GTF2I: variants seen among roughly 807,000 people sequenced by gnomAD.
The protein encoded by GTF2I is general transcription factor II-I.
Under a neutral mutation model 67.6 loss-of-function variants are expected in GTF2I, and 12 were observed. The observed-to-expected ratio is 0.18, with a 90% CI of 0.11 to 0.29. The LOEUF (loss-of-function observed/expected upper bound fraction) is 0.29, where lower values mean the gene tolerates loss of function less well. GTF2I is among the 10% of genes least tolerant of loss of function. The pLI is 1.00. For missense variants in GTF2I, 271 were observed against 580.1 expected (o/e 0.47, Z 5.47); for synonymous variants, 149 against 197.0 (o/e 0.76, Z 2.04).
At chr7:74,676,397 C>T (rs1554392401) in intron 1 of GTF2I, among the ~76,000 whole-genome samples, 1 of 152,042 alleles carries the variant, frequency 6.6e-6, no homozygotes, top group East Asian at 1.9e-4. Context: ...GTAGGAGGAT[C>T]CTTTGAGCCC....
rs587744252 is a variant in GTF2I at position 74,733,723 on chromosome 7, G to A, written c.1305-200G>A. 32 of 226,452 alleles carry A rather than the reference G, an allele frequency of 1.4e-4. No homozygotes were observed. In the South Asian group the frequency reaches 1.9e-3, roughly 13 times the overall value. The allele number at this position is 226,452 out of a possible 1,614,324, so 14.0% of individuals were successfully genotyped here. ...GGAGGTTGCAGTGAGTCGAGACTGC[G>A]CCATTGCACTCCAGCCTGGGAACAA... On this transcript the variant is annotated intron_variant, in intron 15 of 34. Transcript: ENST00000573035.
chr7:74,693,435 C>T (rs1408086725), intron 3 of GTF2I, among the ~76,000 whole-genome samples: 5 of 151,794 alleles, frequency 3.3e-5, no homozygotes, highest in Non-Finnish European at 7.4e-5. Context: ...AGTCCTCGAA[C>T]GCACACATAT....
chr7:74,669,798 G>A (rs1275257746), intron 1 of GTF2I, among the ~76,000 whole-genome samples: 2 of 152,050 alleles, frequency 1.3e-5, no homozygotes, highest in East Asian at 1.9e-4. Flanking sequence ...CCCAAAGTGC[G>A]GGGATTACAG....
At chr7:74,723,732 C>T (rs1299671734) in intron 12 of GTF2I, among the ~76,000 whole-genome samples, 1 of 151,644 alleles carries the variant, frequency 6.6e-6, no homozygotes, top group Admixed American at 6.6e-5. Context: ...CGCCTGGCCA[C>T]GGTGCTAAGA....
intron 12 of GTF2I, among the ~76,000 whole-genome samples, chr7:74,722,178 G>A (rs1255445267): frequency 1.3e-5 from 2 of 152,182 alleles, no homozygotes; most frequent in African/African-American, 2.4e-5. Context: ...CGACGCGGAC[G>A]TGTTTGTGGA....
At chr7:74,711,147 A>T (rs1047027859) in intron 9 of GTF2I, 38 bp downstream of exon 9, 1 of 899,798 alleles carries the variant, frequency 1.1e-6, no homozygotes, top group African/African-American at 1.7e-5. Context: ...TCTAAAAATT[A>T]TTCGTGGTTA....
intron 7 of GTF2I, 41 bp downstream of exon 7, chr7:74,705,259 T>A: frequency 8.2e-7 from 1 of 1,214,444 alleles, no homozygotes; most frequent in East Asian, 2.3e-5. Context: ...CTCCCACACC[T>A]CAAAAAGTTT....
intron 3 of GTF2I, among the ~76,000 whole-genome samples, chr7:74,694,563 G>T (rs892967892): frequency 6.6e-6 from 1 of 152,104 alleles, no homozygotes; most frequent in African/African-American, 2.4e-5. Context: ...CTCCAGCCTG[G>T]ACTCTTGAGA....
At chr7:74,720,671 A>C (rs983119223) in intron 12 of GTF2I, among the ~76,000 whole-genome samples, 1 of 152,132 alleles carries the variant, frequency 6.6e-6, no homozygotes, top group Non-Finnish European at 1.5e-5. Context: ...TAAAATTATA[A>C]AAATAAAGCT....
intron 14 of GTF2I, among the ~76,000 whole-genome samples, 157 bp from the exon 15 acceptor site, chr7:74,732,322 C>T (rs185058792): frequency 0.024 from 3,607 of 151,574 alleles, 76 homozygotes; most frequent in Non-Finnish European, 0.035. Context: ...TGCAGTGAAC[C>T]GAGATCACAC....
chr7:74,750,195 G>T (rs1795719854), intron 26 of GTF2I, among the ~76,000 whole-genome samples: 1 of 94,474 alleles, frequency 1.1e-5, no homozygotes, highest in Admixed American at 1.3e-4. Flanking sequence ...ACTGTGGGAG[G>T]CTAAGGCAGG....
At chr7:74,687,461 G>T (rs1787837113) in intron 1 of GTF2I, 1 of 458,722 alleles carries the variant, frequency 2.2e-6, no homozygotes, top group African/African-American at 2.1e-5. Context: ...GACCTCAAGA[G>T]ATCCACCCGC....
At chr7:74,663,938 T>C (rs1350954985) in intron 1 of GTF2I, among the ~76,000 whole-genome samples, 27 of 152,248 alleles carry the variant, frequency 1.8e-4, no homozygotes, top group African/African-American at 6.5e-4. Flanking sequence ...CAAGCGATTC[T>C]CCTGCCTCAG....
chr7:74,673,150 GC>G (rs1805607460), intron 1 of GTF2I, among the ~76,000 whole-genome samples: 1 of 152,108 alleles, frequency 6.6e-6, no homozygotes, highest in Non-Finnish European at 1.5e-5. Context: ...CTGAGCCACT[GC>G]CCCGAGCTGA....
rs879946271 is a variant in GTF2I, at chr7:74,668,388, G to A, written c.-6+10320G>A. Among the ~76,000 whole-genome samples the A allele has an allele frequency of 3.3e-5, 5 of 151,276 alleles. No homozygotes were observed. In the Admixed American group the frequency reaches 3.3e-4, roughly 10 times the overall value. On this transcript the variant is annotated intron_variant, in intron 1 of 34. Transcript: ENST00000573035. ...GAAGTATATATAATTATATTATGGT[G>A]TACTTGGAGAAGTGGAGCATGATGA...
At chr7:74,684,594 C>T (rs1200249908) in intron 1 of GTF2I, 2 of 152,266 alleles carry the variant, frequency 1.3e-5, no homozygotes, top group African/African-American at 2.4e-5. Flanking sequence ...AGGACTGTCC[C>T]AGGAAGGAAA....
At chr7:74,719,644 G>A (rs1792684705) in intron 12 of GTF2I, among the ~76,000 whole-genome samples, 1 of 152,128 alleles carries the variant, frequency 6.6e-6, no homozygotes, top group Non-Finnish European at 1.5e-5. Context: ...TCACAGCTGG[G>A]CACGGTGGCT....
intron 10 of GTF2I, 183 bp from the exon 11 acceptor site, chr7:74,716,711 A>G (rs1792306133): frequency 4.0e-6 from 2 of 499,996 alleles, no homozygotes; most frequent in African/African-American, 1.9e-5. Flanking sequence ...TAGCTTCCAA[A>G]TAGAAGCGTT....
At chr7:74,680,998 C>T (rs1485315452) in intron 1 of GTF2I, among the ~76,000 whole-genome samples, 2 of 152,094 alleles carry the variant, frequency 1.3e-5, no homozygotes, top group African/African-American at 4.8e-5. Context: ...TATACAGTAG[C>T]CAACCAGAAT....
Sources: gnomAD v4.1 joint callset for allele counts (sites outside exome capture counted in the v4.1 genomes callset) on GRCh38, gnomAD v4.1.1 for gene constraint, MANE v1.5 for transcripts, NCBI Gene and HGNC (gene_info 2026-07-23, HGNC 2026-07-21) for gene names.